The following CDH15 variants were observed in gnomAD, a reference collection of about 807,000 sequenced individuals.
CDH15 encodes cadherin 15, also known as cadherin-15.
A neutral mutation model predicts 69.4 loss-of-function variants in CDH15; 73 were observed. The observed-to-expected ratio is 1.05, with a 90% CI of 0.87 to 1.28. The LOEUF is 1.28. CDH15 is among the 50% of genes most tolerant of loss of function. The pLI is 0.00. For missense variants in CDH15, 1,343 were observed against 1,133.6 expected, an observed-to-expected ratio of 1.18 and a Z score of -2.65; for synonymous variants, 624 against 507.7, an observed-to-expected ratio of 1.23 and a Z score of -3.08.
chr16:89,172,436 G>A lies in CDH15; in HGVS notation c.42+563G>A, dbSNP rs557089890. ...GGGAGGGCCCAGCCCGAGCCAGGTC[G>A]CAACACACGGCCTTGCAGAGTGGCG... On this transcript the variant is annotated intron_variant, in intron 1 of 13. Coordinates refer to ENST00000289746, the MANE Select transcript of CDH15 (RefSeq NM_004933.3). 4.6e-5 allele frequency among the ~76,000 whole-genome samples: 7 copies of A among 152,236 alleles called. No individual in the cohort carries two copies. The South Asian group carries it at 8.3e-4, about 18-fold the overall frequency.
chr16:89,194,027 G>T (rs1431066558), intron 13 of CDH15, 114 bp downstream of exon 13: 2 of 1,202,284 alleles, frequency 1.7e-6, no homozygotes, highest in Non-Finnish European at 2.4e-6. Context: ...TGCACTTATG[G>T]GCCGTCCCAG....
In CDH15 at chr16:89,185,340, T is replaced by A. The variant is rs754136714; in HGVS notation, c.663+7T>A. ...AGTGGGGCTGGACCGCGAGGTGAGG[T>A]GGCGCCCCGGCAGCTCCACACCCGC... On this transcript the variant is annotated splice_region_variant and intron_variant, in intron 5 of 13. Transcript: ENST00000289746. 1.0e-5 allele frequency: 16 copies of A among 1,593,612 alleles called. No homozygotes were observed. Among genetic ancestry groups the A allele is most frequent in the Non-Finnish European group, 3.4e-6 (4 of 1,170,500 alleles).
intron 1 of CDH15, among the ~76,000 whole-genome samples, chr16:89,175,165 C>T (rs1915232421): frequency 6.6e-6 from 1 of 152,224 alleles, no homozygotes; most frequent in Non-Finnish European, 1.5e-5. Context: ...CAGCCTCTGG[C>T]TTGACCACAC....
At chr16:89,179,224 G>A (rs536775886) in intron 1 of CDH15, among the ~76,000 whole-genome samples, 192 bp from the exon 2 acceptor site, 12 of 152,328 alleles carry the variant, frequency 7.9e-5, no homozygotes, top group African/African-American at 2.9e-4. Flanking sequence ...ACGGGGGCGG[G>A]GCTCACGTGC....
chr16:89,187,386 C>T, intron 5 of CDH15, 43 bp from the exon 6 acceptor site: 1 of 1,609,308 alleles, frequency 6.2e-7, no homozygotes, highest in East Asian at 2.2e-5. Flanking sequence ...CCATGTGCCC[C>T]ACCTGGGCCC....
chr16:89,193,626 T>C lies in CDH15; in HGVS notation c.1992+20T>C. The C allele has an allele frequency of 1.7e-6, 2 of 1,207,874 alleles. No homozygotes were observed. The highest frequency in any genetic ancestry group is 2.4e-6 in the Non-Finnish European group (2 of 828,194). 74.8% of individuals were successfully genotyped at this position (1,207,874 alleles called of 1,614,324 possible). A position where few individuals can be genotyped will look rare whatever the true frequency, so the allele number is the denominator to read the frequency against. On this transcript the variant is annotated intron_variant, in intron 12 of 13. Transcript: ENST00000289746. ...GACCAGGTGAGGGGGCAGGTGTGGGTGGGGAGGGGTCCCCAAGGAACCCAG... is the reference window on the plus strand; with the variant it reads ...GACCAGGTGAGGGGGCAGGTGTGGGCGGGGAGGGGTCCCCAAGGAACCCAG...
At chr16:89,184,719 C>T (rs530397587) in intron 4 of CDH15, among the ~76,000 whole-genome samples, 14 of 152,090 alleles carry the variant, frequency 9.2e-5, no homozygotes, top group African/African-American at 2.2e-4. Context: ...TTATCCTGCC[C>T]GTGTGTCCTC....
intron 7 of CDH15, 148 bp from the exon 8 acceptor site, chr16:89,190,095 G>T: frequency 1.2e-6 from 1 of 835,170 alleles, no homozygotes. Flanking sequence ...TTCTTGTCCT[G>T]CATAATTTGT....
intron 1 of CDH15, among the ~76,000 whole-genome samples, chr16:89,173,685 G>T (rs1915202561): frequency 6.6e-6 from 1 of 152,206 alleles, no homozygotes; most frequent in African/African-American, 2.4e-5. Context: ...GCCTCCTGGT[G>T]AGCCCCCAGG....
At chr16:89,189,913 C>G (rs1364213267) in intron 7 of CDH15, among the ~76,000 whole-genome samples, 2 of 152,210 alleles carry the variant, frequency 1.3e-5, no homozygotes, top group African/African-American at 4.8e-5. Context: ...TGGATAAAGC[C>G]AACCCACATC....
At chr16:89,193,976 A>G in intron 13 of CDH15, 63 bp downstream of exon 13, 2 of 1,542,516 alleles carry the variant, frequency 1.3e-6, no homozygotes, top group Non-Finnish European at 1.8e-6. Flanking sequence ...ACACATGCAC[A>G]TGTACACACC....
At chr16:89,193,973 C>A in intron 13 of CDH15, 60 bp downstream of exon 13, 1 of 1,552,592 alleles carries the variant, frequency 6.4e-7, no homozygotes, top group Non-Finnish European at 8.8e-7. Flanking sequence ...CACACACATG[C>A]ACATGTACAC....
chr16:89,183,827 C>A, intron 4 of CDH15, 135 bp downstream of exon 4: 1 of 934,422 alleles, frequency 1.1e-6, no homozygotes, highest in Non-Finnish European at 1.6e-6. Flanking sequence ...CGAGGCAGGT[C>A]CGTTTCCACA....
intron 2 of CDH15, among the ~76,000 whole-genome samples, 161 bp downstream of exon 2, chr16:89,179,735 G>A (rs1479068022): frequency 1.3e-5 from 2 of 152,234 alleles, no homozygotes; most frequent in African/African-American, 4.8e-5. Flanking sequence ...CTTCCAACCT[G>A]GGTCTAGAGC....
chr16:89,192,204 G>T lies in CDH15; in HGVS notation c.1616-1G>T. On this transcript the variant is annotated splice_acceptor_variant, in intron 10 of 13. Coordinates refer to ENST00000289746, the MANE Select transcript of CDH15 (RefSeq NM_004933.3). LOFTEE classifies it high-confidence loss of function. ...TCGCTCACCACAGGCGCCCTCCGCA[G>T]TGAGCCACGCGCGCCTGCGGCCGCG... is the stretch of plus-strand genomic sequence containing the variant. The T allele has an allele frequency of 6.5e-7, 1 of 1,529,096 alleles. No individual in the cohort carries two copies. The highest frequency in any genetic ancestry group is 1.2e-5 in the South Asian group (1 of 83,640). 94.7% of individuals were successfully genotyped at this position (1,529,096 alleles called of 1,614,324 possible).
chr16:89,192,983 G>A (rs1460065473), intron 11 of CDH15, among the ~76,000 whole-genome samples: 2 of 45,646 alleles, frequency 4.4e-5, no homozygotes, highest in African/African-American at 2.0e-4. Context: ...CAGCCACGCC[G>A]CTTCCACCCA....
intron 7 of CDH15, among the ~76,000 whole-genome samples, chr16:89,189,281 C>T (rs1258720095): frequency 1.4e-4 from 19 of 137,342 alleles, no homozygotes; most frequent in Admixed American, 3.0e-4. Flanking sequence ...ACACAGATGC[C>T]GGCACACACA....
At chr16:89,181,766 C>T (rs1034140183) in intron 3 of CDH15, among the ~76,000 whole-genome samples, 6 of 151,928 alleles carry the variant, frequency 3.9e-5, no homozygotes, top group African/African-American at 7.3e-5. Context: ...GGTGAAACCC[C>T]GTCTCTACTA....
At position 89,180,225 on chromosome 16, in the gene CDH15, G is replaced by T; in HGVS notation, c.227G>T (p.Gly76Val). Residue 76 changes from glycine to valine, a missense_variant, in exon 3 of 14, where the codon GGC becomes GTC. By Grantham distance (109) the Gly-to-Val change is moderately radical. Transcript: ENST00000289746. ...ATCAAGTCGGACAAGCAGCAGCTGG[G>T]CAGCGTCATCTACAGCATCCAGGGA... ...VQIKSDKQQL[G>V]SVIYSIQGPG... The T allele has an allele frequency of 6.2e-7, 1 of 1,610,784 alleles. No individual in the cohort carries two copies. The highest frequency in any genetic ancestry group is 8.5e-7 in the Non-Finnish European group (1 of 1,178,982).
Sources: allele counts gnomAD v4.1 joint callset (sites outside exome capture counted in the v4.1 genomes callset), GRCh38; gene constraint gnomAD v4.1.1; transcripts MANE v1.5; gene names NCBI Gene and HGNC (gene_info 2026-07-23, HGNC 2026-07-21).